UBASH3B: variants seen among roughly 807,000 people sequenced by gnomAD.
UBASH3B encodes ubiquitin-associated and SH3 domain-containing protein B.
A neutral mutation model predicts 83.4 loss-of-function variants in UBASH3B; 37 were observed. The ratio of observed to expected loss-of-function variants is 0.44; its 90% CI spans 0.34 to 0.58. The LOEUF (loss-of-function observed/expected upper bound fraction) is 0.58. Ranked by LOEUF, UBASH3B falls within the 20% of genes least tolerant of loss-of-function variation. The probability of loss-of-function intolerance (pLI) is 0.01; values close to 1 mark genes in which losing one functional copy is unlikely to be tolerated. For synonymous variants in UBASH3B, 304 were observed against 318.3 expected, an observed-to-expected ratio of 0.96 and a Z score of 0.48; for missense variants, 657 against 827.2, an observed-to-expected ratio of 0.79 and a Z score of 2.52.
chr11:122,767,698 A>C (rs1860574847), intron 1 of UBASH3B, among the ~76,000 whole-genome samples: 2 of 152,196 alleles, frequency 1.3e-5, no homozygotes, highest in Non-Finnish European at 2.9e-5. Flanking sequence ...CGCTTTTCCC[A>C]AGCCACACAG....
chr11:122,701,399 T>A (rs1239532552), intron 1 of UBASH3B, among the ~76,000 whole-genome samples: 1 of 152,162 alleles, frequency 6.6e-6, no homozygotes, highest in East Asian at 1.9e-4. Context: ...TAAAATGAAC[T>A]CTTATTAATG....
chr11:122,662,382 C>T (rs1246002966), intron 1 of UBASH3B, among the ~76,000 whole-genome samples: 2 of 151,982 alleles, frequency 1.3e-5, no homozygotes, highest in African/African-American at 4.8e-5. Flanking sequence ...GGTTAGTCCT[C>T]TCTCAACCCC....
chr11:122,808,380 G>C (rs1425981063), intron 13 of UBASH3B, among the ~76,000 whole-genome samples: 3 of 152,206 alleles, frequency 2.0e-5, no homozygotes, highest in Admixed American at 2.0e-4. Context: ...CAATGTATGA[G>C]AGCTAGTTCT....
At chr11:122,720,471 A>G (rs545397686) in intron 1 of UBASH3B, among the ~76,000 whole-genome samples, 2 of 152,296 alleles carry the variant, frequency 1.3e-5, no homozygotes, top group South Asian at 2.1e-4. Context: ...GATCCTTTCA[A>G]AGTGTAAGGC....
At position 122,806,565 on chromosome 11, in the gene UBASH3B, C is replaced by T; in HGVS notation, c.1702+49C>T. ...CATCTGTACATACGTGATTATTTCT[C>T]TATAATGGTTAATAGGTTATTCAAG... On this transcript the variant is annotated intron_variant, in intron 12 of 13. Transcript: ENST00000284273. This position sits in a 1 kb window ranked among gnomAD's most constrained non-coding sequence, Gnocchi z 4.0. The T allele has an allele frequency of 3.3e-6, 5 of 1,498,398 alleles. No homozygotes were observed. Among genetic ancestry groups the T allele is most frequent in the African/African-American group, 1.4e-5 (1 of 69,296 alleles). 92.8% of individuals were successfully genotyped at this position (1,498,398 alleles called of 1,614,324 possible). A position where few individuals can be genotyped will look rare whatever the true frequency, so the allele number is the denominator to read the frequency against.
At chr11:122,767,657 G>A (rs541577714) in intron 1 of UBASH3B, among the ~76,000 whole-genome samples, 37 of 152,290 alleles carry the variant, frequency 2.4e-4, no homozygotes, top group African/African-American at 8.4e-4. Flanking sequence ...GGTTAACTAA[G>A]GGACAAAACT....
chr11:122,697,716 T>C (rs967312657), intron 1 of UBASH3B, among the ~76,000 whole-genome samples: 2 of 152,124 alleles, frequency 1.3e-5, no homozygotes, highest in Admixed American at 1.3e-4. Flanking sequence ...ACCTTGATAG[T>C]CAGGACTTAG....
chr11:122,730,412 C>T (rs1860822856), intron 1 of UBASH3B, among the ~76,000 whole-genome samples: 1 of 152,092 alleles, frequency 6.6e-6, no homozygotes, highest in Non-Finnish European at 1.5e-5. Context: ...AACTCCATGC[C>T]ATCCTTGGTA....
At chr11:122,790,615 G>C (rs1442848590) in intron 6 of UBASH3B, among the ~76,000 whole-genome samples, 1 of 152,118 alleles carries the variant, frequency 6.6e-6, no homozygotes, top group African/African-American at 2.4e-5. Context: ...TTATTTTACA[G>C]TACTTGGAGT....
intron 6 of UBASH3B, 43 bp from the exon 7 acceptor site, chr11:122,794,659 T>C: frequency 6.2e-7 from 1 of 1,612,912 alleles, no homozygotes. Flanking sequence ...TGCTGATGAC[T>C]GCTGGCCAGA....
chr11:122,769,243 C>A (rs1860603427), intron 1 of UBASH3B, among the ~76,000 whole-genome samples: 1 of 152,136 alleles, frequency 6.6e-6, no homozygotes, highest in Non-Finnish European at 1.5e-5. Context: ...AGCTGCCAGG[C>A]TCTTTTCAAC....
At chr11:122,670,694 G>A (rs1277702317) in intron 1 of UBASH3B, among the ~76,000 whole-genome samples, 1 of 152,132 alleles carries the variant, frequency 6.6e-6, no homozygotes, top group Non-Finnish European at 1.5e-5. Flanking sequence ...CTTCTGGTAA[G>A]AGTGTGTTTC....
At chr11:122,782,936 T>C (rs1023643221) in intron 4 of UBASH3B, 117 bp from the exon 5 acceptor site, 136 of 1,266,284 alleles carry the variant, frequency 1.1e-4, no homozygotes, top group Non-Finnish European at 1.4e-4. Context: ...TCTTTTGTCT[T>C]CTTTGTTATG....
chr11:122,708,912 C>T (rs997921486), intron 1 of UBASH3B, among the ~76,000 whole-genome samples: 1 of 152,176 alleles, frequency 6.6e-6, no homozygotes, highest in African/African-American at 2.4e-5. Context: ...CATTTCCCAT[C>T]ACCTTCCCTT....
intron 1 of UBASH3B, among the ~76,000 whole-genome samples, chr11:122,745,644 CA>C (rs1422514165): frequency 1.3e-5 from 2 of 152,180 alleles, no homozygotes; most frequent in African/African-American, 4.8e-5. Context: ...GCTTTGAAAA[CA>C]AAAATTTTCC....
At chr11:122,809,662 G>A (rs1161245691) in intron 13 of UBASH3B, 87 bp from the exon 14 acceptor site, 3 of 1,425,318 alleles carry the variant, frequency 2.1e-6, no homozygotes, top group Non-Finnish European at 2.9e-6. Context: ...ATTCTCTAGG[G>A]CCACATGAAT....
intron 1 of UBASH3B, among the ~76,000 whole-genome samples, chr11:122,692,318 G>A (rs1018912398): frequency 1.3e-5 from 2 of 152,130 alleles, no homozygotes; most frequent in African/African-American, 4.8e-5. Flanking sequence ...CTAAACATTA[G>A]TAAAATATTT....
intron 1 of UBASH3B, among the ~76,000 whole-genome samples, chr11:122,775,476 G>A (rs1239242361): frequency 6.6e-6 from 1 of 152,212 alleles, no homozygotes; most frequent in Non-Finnish European, 1.5e-5. Flanking sequence ...TATGGATCCA[G>A]CCTGGTGGTG....
At chr11:122,658,178 G>GAAAAAA (rs1254190970) in intron 1 of UBASH3B, among the ~76,000 whole-genome samples, 1 of 111,324 alleles carries the variant, frequency 9.0e-6, no homozygotes. Context: ...TTCATCTCAA[G>GAAAAAA]AAAAAAAAAA....
Sources: allele counts gnomAD v4.1 joint callset (sites outside exome capture counted in the v4.1 genomes callset), GRCh38; gene constraint gnomAD v4.1.1; non-coding constraint Gnocchi (gnomAD v3.1); transcripts MANE v1.5; gene names NCBI Gene and HGNC (gene_info 2026-07-23, HGNC 2026-07-21).